The following MAST2 variants were observed in gnomAD, a reference collection of about 807,000 sequenced individuals.
MAST2 encodes the protein microtubule-associated serine/threonine-protein kinase 2.
A neutral mutation model predicts 147.4 loss-of-function variants in MAST2; 70 were observed. The ratio of observed to expected loss-of-function variants is 0.47; its 90% confidence interval spans 0.39 to 0.58. The LOEUF is 0.58. Ranked by LOEUF, MAST2 falls within the 20% of genes least tolerant of loss-of-function variation. The pLI is 0.00. For synonymous variants in MAST2, 869 were observed against 896.8 expected (o/e 0.97, Z 0.55); for missense variants, 2,080 against 2,302.3 (o/e 0.90, Z 1.98).
At chr1:45,903,669 AT>A (rs1650185177) in intron 4 of MAST2, among the ~76,000 whole-genome samples, 1 of 152,134 alleles carries the variant, frequency 6.6e-6, no homozygotes, top group African/African-American at 2.4e-5. Flanking sequence ...GGTTGATATG[AT>A]TTTTATTTTT....
chr1:46,022,838 G>T (rs2149293784), intron 12 of MAST2, 72 bp from the exon 13 acceptor site: 1 of 1,121,426 alleles, frequency 8.9e-7, no homozygotes, highest in Non-Finnish European at 1.4e-6. Flanking sequence ...TGCACCTGTT[G>T]TGTGATCTGA....
At chr1:45,909,807 C>A (rs781128133) in intron 4 of MAST2, among the ~76,000 whole-genome samples, 2 of 150,158 alleles carry the variant, frequency 1.3e-5, no homozygotes, top group Non-Finnish European at 3.0e-5. Flanking sequence ...TGAGCCACCC[C>A]ACCTGGCCCT....
At chr1:45,899,368 T>C (rs1360753001) in intron 4 of MAST2, among the ~76,000 whole-genome samples, 1 of 150,338 alleles carries the variant, frequency 6.7e-6, no homozygotes, top group East Asian at 1.9e-4. Context: ...CATGGATATA[T>C]TGTGTAATGC....
At chr1:46,029,261 C>A in intron 18 of MAST2, 1 of 558,254 alleles carries the variant, frequency 1.8e-6, no homozygotes, top group Non-Finnish European at 3.2e-6. Context: ...TGAGCTAGAG[C>A]TTTGCAGTGC....
At chr1:45,873,447 C>T (rs1646479769) in intron 3 of MAST2, among the ~76,000 whole-genome samples, 1 of 152,056 alleles carries the variant, frequency 6.6e-6, no homozygotes, top group Non-Finnish European at 1.5e-5. Context: ...ATCCTCCTGC[C>T]TCAGCCTCCC....
In MAST2 at chr1:46,023,621, AG is replaced by A. The variant is rs1646281744; in HGVS notation, c.1572-146del. ...AAGAAGTTTAAGAGTTCTATGGACCAGGGGGTCCCAGACCCTTCTCACTGAT... is the reference window on the plus strand; with the variant it reads ...AAGAAGTTTAAGAGTTCTATGGACCAGGGGTCCCAGACCCTTCTCACTGAT... On this transcript the variant is annotated intron_variant, in intron 14 of 28. Coordinates refer to ENST00000361297, the MANE Select transcript of MAST2 (RefSeq NM_015112.3). This position sits in a 1 kb window ranked among gnomAD's most constrained non-coding sequence, Gnocchi z 4.9. 1 of 691,818 alleles carries A rather than the reference AG, an allele frequency of 1.4e-6. No homozygotes were observed. Among genetic ancestry groups the A allele is most frequent in the Non-Finnish European group, 2.4e-6 (1 of 408,300 alleles). The allele number at this position is 691,818 out of a possible 1,614,324, so 42.9% of individuals were successfully genotyped here.
intron 4 of MAST2, among the ~76,000 whole-genome samples, chr1:45,919,262 G>A (rs2148630701): frequency 6.6e-6 from 1 of 152,276 alleles, no homozygotes; most frequent in Non-Finnish European, 1.5e-5. Context: ...GATAGAGGAG[G>A]AAGAGATATC....
At chr1:45,807,803 A>G (rs1360483126) in intron 1 of MAST2, among the ~76,000 whole-genome samples, 1 of 152,144 alleles carries the variant, frequency 6.6e-6, no homozygotes, top group African/African-American at 2.4e-5. Context: ...CGGCCTCCCA[A>G]AGTGCTGGGA....
At chr1:45,861,628 T>G (rs12565683) in intron 3 of MAST2, among the ~76,000 whole-genome samples, 1 of 151,988 alleles carries the variant, frequency 6.6e-6, no homozygotes, top group Non-Finnish European at 1.5e-5. Flanking sequence ...TCAATCCCCT[T>G]CCTTCCTTTT....
intron 7 of MAST2, among the ~76,000 whole-genome samples, chr1:46,004,466 C>T (rs1274967331): frequency 6.6e-6 from 1 of 151,554 alleles, no homozygotes; most frequent in East Asian, 1.9e-4. Flanking sequence ...TAAGACTTAA[C>T]TCATTGCTCC....
At chr1:46,015,978 T>G (rs1645921742) in intron 10 of MAST2, among the ~76,000 whole-genome samples, 1 of 152,174 alleles carries the variant, frequency 6.6e-6, no homozygotes, top group African/African-American at 2.4e-5. Flanking sequence ...TTATCCACCA[T>G]GATCAAGTGG....
chr1:45,900,355 C>T (rs1443031296), intron 4 of MAST2, among the ~76,000 whole-genome samples: 1 of 151,748 alleles, frequency 6.6e-6, no homozygotes, highest in Non-Finnish European at 1.5e-5. Flanking sequence ...TGCATCCTCA[C>T]CAACATCTGT....
intron 3 of MAST2, among the ~76,000 whole-genome samples, chr1:45,879,901 A>G (rs758083784): frequency 5.9e-5 from 9 of 152,222 alleles, no homozygotes; most frequent in Admixed American, 3.3e-4. Flanking sequence ...AAAAGCTGAT[A>G]CCATGTATTG....
At chr1:45,831,841 G>A (rs1013982479) in intron 3 of MAST2, among the ~76,000 whole-genome samples, 1 of 148,440 alleles carries the variant, frequency 6.7e-6, no homozygotes, top group Non-Finnish European at 1.5e-5. Flanking sequence ...GTGTAGTGGT[G>A]TGATCTTGGC....
intron 4 of MAST2, among the ~76,000 whole-genome samples, chr1:45,919,277 G>A (rs569581994): frequency 1.2e-4 from 19 of 152,250 alleles, no homozygotes; most frequent in African/African-American, 4.6e-4. Context: ...GATATCCAAG[G>A]ATTGAGCTCT....
rs192295886 is a variant in MAST2, at chr1:45,907,493, T to C, written c.500+25098T>C. On this transcript the variant is annotated intron_variant, in intron 4 of 28. Transcript: ENST00000361297. ...TTTTTTTTTTTTGAGAGAGTCTCGCTCTTATCACCCAGGCTGTGCAGTGGC... is the reference window on the plus strand; with the variant it reads ...TTTTTTTTTTTTGAGAGAGTCTCGCCCTTATCACCCAGGCTGTGCAGTGGC... 5.2e-3 allele frequency among the ~76,000 whole-genome samples: 773 copies of C among 149,576 alleles called. 3 individuals carry two copies. The highest frequency in any genetic ancestry group is 7.0e-3 in the Middle Eastern group (2 of 284).
intron 4 of MAST2, among the ~76,000 whole-genome samples, chr1:45,943,827 G>A (rs982641994): frequency 4.6e-5 from 7 of 152,166 alleles, no homozygotes; most frequent in African/African-American, 9.6e-5. Flanking sequence ...GCTAAAATCC[G>A]TAGTAACATA....
At chr1:45,980,275 C>CCA (rs1491345712) in intron 5 of MAST2, among the ~76,000 whole-genome samples, 1 of 84,030 alleles carries the variant, frequency 1.2e-5, no homozygotes, top group Non-Finnish European at 2.2e-5. Flanking sequence ...ACTGTGTTTC[C>CCA]AAAAAAAAAA....
In MAST2 at chr1:45,865,914, C is replaced by G. The variant is rs370527369; in HGVS notation, c.469-16450C>G. ...TTTGAGAATTGACATAATGAAGATT[C>G]TAGTGTAAATCACTGAGCTAATCAA... is the stretch of plus-strand genomic sequence containing the variant. On this transcript the variant is annotated intron_variant, in intron 3 of 28. Transcript: ENST00000361297. Among the ~76,000 whole-genome samples the G allele has an allele frequency of 5.3e-5, 8 of 152,214 alleles. No homozygotes were observed. In the East Asian group the frequency reaches 7.7e-4, roughly 15 times the overall value.
Sources: allele counts gnomAD v4.1 joint callset (sites outside exome capture counted in the v4.1 genomes callset), GRCh38; gene constraint gnomAD v4.1.1; non-coding constraint Gnocchi (gnomAD v3.1); transcripts MANE v1.5; gene names NCBI Gene and HGNC (gene_info 2026-07-23, HGNC 2026-07-21).